Variants in C17orf67 observed in about 807,000 individuals in gnomAD.
C17orf67 encodes the protein chromosome 17 open reading frame 67, also known as uncharacterized protein C17orf67.
Under a neutral mutation model 11.2 loss-of-function variants are expected in C17orf67, and 12 were observed. The ratio of observed to expected loss-of-function variants is 1.07; its 90% CI spans 0.68 to 1.73. The LOEUF (loss-of-function observed/expected upper bound fraction) is 1.73, where lower values mean the gene tolerates loss of function less well. Ranked by LOEUF, C17orf67 falls within the 40% of genes most tolerant of loss-of-function variation. The probability of loss-of-function intolerance (pLI) is 0.00; values close to 1 mark genes in which losing one functional copy is unlikely to be tolerated. For missense variants in C17orf67, 115 were observed against 113.5 expected, an observed-to-expected ratio of 1.01 and a Z score of -0.06; for synonymous variants, 59 against 46.9, an observed-to-expected ratio of 1.26 and a Z score of -1.05.
intron 4 of C17orf67, among the ~76,000 whole-genome samples, chr17:56,819,052 G>C (rs1905833035): frequency 6.6e-6 from 1 of 152,152 alleles, no homozygotes; most frequent in Admixed American, 6.6e-5. Context: ...CCATGCATAA[G>C]ATCTTTCCTC....
intron 2 of C17orf67, among the ~76,000 whole-genome samples, chr17:56,828,505 A>AT (rs1906101943): frequency 6.6e-6 from 1 of 152,212 alleles, no homozygotes. Context: ...TCCCTAGGTA[A>AT]TTCTTTATTC....
intron 6 of C17orf67, among the ~76,000 whole-genome samples, chr17:56,809,095 C>T (rs1905525925): frequency 6.6e-6 from 1 of 152,020 alleles, no homozygotes; most frequent in African/African-American, 2.4e-5. Context: ...ACTAACTCTA[C>T]TCATTTGCCC....
intron 6 of C17orf67, among the ~76,000 whole-genome samples, chr17:56,796,170 G>A (rs1305572181): frequency 6.6e-6 from 1 of 152,088 alleles, no homozygotes; most frequent in African/African-American, 2.4e-5. Flanking sequence ...TCGTACTCCT[G>A]GCTAGCAACT....
chr17:56,804,512 G>A (rs1905399752), intron 6 of C17orf67, among the ~76,000 whole-genome samples: 2 of 152,158 alleles, frequency 1.3e-5, no homozygotes, highest in African/African-American at 4.8e-5. Context: ...TTACACCTCG[G>A]TCACTCCAAA....
chr17:56,806,934 A>G (rs1298813235), intron 6 of C17orf67, among the ~76,000 whole-genome samples: 2 of 152,332 alleles, frequency 1.3e-5, no homozygotes, highest in Non-Finnish European at 2.9e-5. Context: ...CCTTAGCCCA[A>G]TGTGGAACGC....
At chr17:56,822,600 TCTC>T (rs1401682025) in intron 4 of C17orf67, among the ~76,000 whole-genome samples, 7 of 152,254 alleles carry the variant, frequency 4.6e-5, no homozygotes, top group African/African-American at 1.7e-4. Context: ...TGTTATTATT[TCTC>T]CTCCTTCTCT....
rs548394759 is a variant in C17orf67 at position 56,796,928 on chromosome 17, C to T, written c.157-1748G>A. Reference sequence around the variant, plus strand: ...TCGAAGCCTTCACCAGTGCTGTCTACCTGCAAGGAGTCAGCATCTGCCTCT... The same window carrying T: ...TCGAAGCCTTCACCAGTGCTGTCTATCTGCAAGGAGTCAGCATCTGCCTCT... On this transcript the variant is annotated intron_variant, in intron 6 of 7. Coordinates refer to ENST00000397861, the MANE Select transcript of C17orf67 (RefSeq NM_001085430.4). Among the ~76,000 whole-genome samples the T allele has an allele frequency of 4.6e-5, 7 of 152,138 alleles. No homozygotes were observed. In the East Asian group the frequency reaches 1.4e-3, roughly 29 times the overall value.
chr17:56,822,908 C>T (rs976979483), intron 4 of C17orf67, among the ~76,000 whole-genome samples: 18 of 152,266 alleles, frequency 1.2e-4, no homozygotes, highest in African/African-American at 2.6e-4. Flanking sequence ...GCCTGCTGCA[C>T]GCCTCCACAA....
At chr17:56,802,063 T>C (rs1250620028) in intron 6 of C17orf67, among the ~76,000 whole-genome samples, 1 of 152,212 alleles carries the variant, frequency 6.6e-6, no homozygotes, top group Non-Finnish European at 1.5e-5. Flanking sequence ...TTAACTTGCT[T>C]CCTTGGGTTA....
At chr17:56,811,085 T>A (rs929026143) in intron 6 of C17orf67, among the ~76,000 whole-genome samples, 6 of 152,156 alleles carry the variant, frequency 3.9e-5, no homozygotes, top group Admixed American at 3.3e-4. Context: ...GCCTGACTCC[T>A]CGCTTGGGTT....
At chr17:56,814,439 A>C (rs1463404078) in intron 6 of C17orf67, among the ~76,000 whole-genome samples, 1 of 152,170 alleles carries the variant, frequency 6.6e-6, no homozygotes, top group Non-Finnish European at 1.5e-5. Flanking sequence ...ATCAGAGCAG[A>C]ACCCCTCAGG....
chr17:56,832,138 G>A (rs1239433228), intron 2 of C17orf67, among the ~76,000 whole-genome samples: 1 of 152,064 alleles, frequency 6.6e-6, no homozygotes, highest in Non-Finnish European at 1.5e-5. Flanking sequence ...AGTAGAGACG[G>A]GGTTTCACCA....
chr17:56,799,444 T>C (rs932002955), intron 6 of C17orf67, among the ~76,000 whole-genome samples: 8 of 152,232 alleles, frequency 5.3e-5, no homozygotes, highest in East Asian at 1.9e-4. Flanking sequence ...TAATATTCCA[T>C]TGTCTGCATG....
chr17:56,818,266 T>TA (rs1905811202), intron 4 of C17orf67, among the ~76,000 whole-genome samples: 1 of 152,240 alleles, frequency 6.6e-6, no homozygotes, highest in Admixed American at 6.5e-5. Context: ...GATAGAACAC[T>TA]ATTTTGTTTT....
chr17:56,803,540 G>A (rs1905375317), intron 6 of C17orf67, among the ~76,000 whole-genome samples: 1 of 152,110 alleles, frequency 6.6e-6, no homozygotes, highest in African/African-American at 2.4e-5. Context: ...AAGTATATCT[G>A]GTCTGTGATT....
intron 2 of C17orf67, among the ~76,000 whole-genome samples, chr17:56,832,316 TG>T (rs1441920984): frequency 6.6e-6 from 1 of 152,192 alleles, no homozygotes; most frequent in African/African-American, 2.4e-5. Flanking sequence ...AGTATCTTCC[TG>T]GGAAAGCTGC....
At chr17:56,808,528 C>T (rs926101384) in intron 6 of C17orf67, among the ~76,000 whole-genome samples, 1 of 152,124 alleles carries the variant, frequency 6.6e-6, no homozygotes, top group African/African-American at 2.4e-5. Context: ...TGGGCCTTGC[C>T]TTCCTTCATC....
intron 2 of C17orf67, among the ~76,000 whole-genome samples, chr17:56,826,863 G>A (rs370617767): frequency 6.6e-6 from 1 of 152,182 alleles, no homozygotes; most frequent in Non-Finnish European, 1.5e-5. Flanking sequence ...CTGTAAAATG[G>A]GGATCATAAA....
chr17:56,813,264 C>T (rs1014360508), intron 6 of C17orf67, among the ~76,000 whole-genome samples: 14 of 152,042 alleles, frequency 9.2e-5, no homozygotes, highest in Non-Finnish European at 1.9e-4. Context: ...CATCCTCCTC[C>T]CCATCACAGT....
Sources: allele counts gnomAD v4.1 joint callset (sites outside exome capture counted in the v4.1 genomes callset), GRCh38; gene constraint gnomAD v4.1.1; transcripts MANE v1.5; gene names NCBI Gene and HGNC (gene_info 2026-07-23, HGNC 2026-07-21).